Variants in FAM161A observed in about 807,000 individuals in gnomAD.
The protein encoded by FAM161A is FAM161 centrosomal protein A.
In FAM161A, 57 loss-of-function variants were observed where a neutral mutation model predicts 70.9. That is an observed-to-expected ratio of 0.80 (90% confidence interval 0.65 to 1.00). The LOEUF is 1.00. FAM161A is among the 50% of genes least tolerant of loss of function. The pLI is 0.00. For synonymous variants in FAM161A, 299 were observed against 295.7 expected (o/e 1.01, Z -0.12); for missense variants, 880 against 836.0 (o/e 1.05, Z -0.65).
the FAM161A span, chr2:61,803,440 G>T: frequency 1.5e-6 from 1 of 659,808 alleles, no homozygotes; most frequent in South Asian, 1.6e-5. Context: ...TACTGCAAAG[G>T]CCAGTGTTGG....
At chr2:61,853,014 C>T (rs559416646) in intron 1 of FAM161A, among the ~76,000 whole-genome samples, 1 of 145,302 alleles carries the variant, frequency 6.9e-6, no homozygotes, top group East Asian at 2.0e-4. Context: ...CAAGTTCAAG[C>T]GATTCTCCTG....
intron 1 of FAM161A, chr2:61,846,753 A>G: frequency 3.0e-6 from 1 of 334,478 alleles, no homozygotes; most frequent in Non-Finnish European, 5.9e-6. Flanking sequence ...GAAAGATGGG[A>G]CTTACTCCTT....
At chr2:61,842,643 T>C (rs1301495705) in intron 1 of FAM161A, among the ~76,000 whole-genome samples, 1 of 152,054 alleles carries the variant, frequency 6.6e-6, no homozygotes, top group Non-Finnish European at 1.5e-5. Flanking sequence ...CAACAAAAGG[T>C]ATAATAGGAT....
the FAM161A span, among the ~76,000 whole-genome samples, chr2:61,805,455 G>A: frequency 6.6e-6 from 1 of 152,180 alleles, no homozygotes. Flanking sequence ...GACGGAGATT[G>A]CAGTGAGCCA....
At chr2:61,839,300 T>C (rs1423252940) in intron 3 of FAM161A, 121 bp downstream of exon 3, 4 of 838,074 alleles carry the variant, frequency 4.8e-6, no homozygotes, top group Non-Finnish European at 7.8e-6. Context: ...TATAGTAAAA[T>C]ATCTTATAGA....
chr2:61,800,831 T>C, the FAM161A span, among the ~76,000 whole-genome samples: 1 of 152,274 alleles, frequency 6.6e-6, no homozygotes, highest in East Asian at 1.9e-4. Context: ...TGAAATGAAG[T>C]CTCACTCTGT....
In FAM161A at chr2:61,839,621, T is replaced by C. The variant is rs1558483246; in HGVS notation, c.1383A>G (p.Ala461=). The C allele has an allele frequency of 4.3e-6, 7 of 1,614,242 alleles. No individual in the cohort carries two copies. The highest frequency in any genetic ancestry group is 5.1e-6 in the Non-Finnish European group (6 of 1,180,044). Reference sequence around the variant, plus strand: ...CTCTTTTAATAGATGCATGTGGAGATGCATGAAGATCAAATGGTTTACACA... The same window carrying C: ...CTCTTTTAATAGATGCATGTGGAGACGCATGAAGATCAAATGGTTTACACA... ...LTVCKPFDLH[A]SPHASIKREK... is the part of the protein sequence containing the mutation. Residue 461 remains alanine, a synonymous_variant, in exon 3 of 7, where the codon GCA becomes GCG. Transcript: ENST00000404929.
chr2:61,805,763 C>G, the FAM161A span, among the ~76,000 whole-genome samples: 2 of 151,908 alleles, frequency 1.3e-5, no homozygotes, highest in Non-Finnish European at 2.9e-5. Context: ...TTGCAGTGCC[C>G]AAAACAGACT....
chr2:61,842,982 G>A (rs1438422436), intron 1 of FAM161A, among the ~76,000 whole-genome samples: 1 of 152,202 alleles, frequency 6.6e-6, no homozygotes, highest in Non-Finnish European at 1.5e-5. Flanking sequence ...AGCTGCTTCT[G>A]TGGGCACAAA....
the FAM161A span, among the ~76,000 whole-genome samples, chr2:61,804,983 C>G: frequency 1.3e-5 from 2 of 152,028 alleles, no homozygotes; most frequent in African/African-American, 4.8e-5. Context: ...GAACTGAGGA[C>G]TCAACTCTGA....
chr2:61,849,747 T>C (rs932741229), intron 1 of FAM161A, among the ~76,000 whole-genome samples: 2 of 147,486 alleles, frequency 1.4e-5, no homozygotes, highest in African/African-American at 5.1e-5. Context: ...ATTGTGCCAC[T>C]GTACTCTAGC....
chr2:61,815,532 T>A, the FAM161A span, among the ~76,000 whole-genome samples: 1 of 134,656 alleles, frequency 7.4e-6, no homozygotes, highest in African/African-American at 2.8e-5. Context: ...CTGAAAGATG[T>A]GTCTTTTTTT....
chr2:61,813,057 C>T, the FAM161A span, among the ~76,000 whole-genome samples: 5 of 151,464 alleles, frequency 3.3e-5, no homozygotes, highest in Admixed American at 1.3e-4. Context: ...AGCAAGACTC[C>T]GTCTCAAAAG....
intron 5 of FAM161A, 26 bp downstream of exon 5, chr2:61,835,984 A>G (rs757731363): frequency 7.0e-7 from 1 of 1,434,622 alleles, no homozygotes; most frequent in Non-Finnish European, 9.7e-7. Flanking sequence ...AACTGACGAT[A>G]GCTCTTAAAT....
At chr2:61,832,109 G>C (rs555230436) in intron 5 of FAM161A, among the ~76,000 whole-genome samples, 1 of 151,908 alleles carries the variant, frequency 6.6e-6, no homozygotes, top group African/African-American at 2.4e-5. Context: ...GCCTGGCATG[G>C]TAGCTTGTGC....
chr2:61,815,861 T>C, the FAM161A span, among the ~76,000 whole-genome samples: 1 of 152,070 alleles, frequency 6.6e-6, no homozygotes, highest in South Asian at 2.1e-4. Context: ...TCTCTCCCTA[T>C]GTTTTGTCCC....
At chr2:61,803,894 C>T in the FAM161A span, among the ~76,000 whole-genome samples, 2 of 152,088 alleles carry the variant, frequency 1.3e-5, no homozygotes, top group Non-Finnish European at 2.9e-5. Context: ...AAGGGGTTCC[C>T]ATCCAGACCC....
chr2:61,826,116 C>T lies in FAM161A; in HGVS notation c.*339G>A. 2.1e-6 allele frequency: 1 copy of T among 480,986 alleles called. No individual in the cohort carries two copies. Among genetic ancestry groups the T allele is most frequent in the Non-Finnish European group, 4.1e-6 (1 of 245,408 alleles). 29.8% of individuals were successfully genotyped at this position (480,986 alleles called of 1,614,324 possible). ...AAAGACCAATACTTCTCTCTCCTTT[C>T]AATACTAAGCCATTTTTTCCAGTAA... is the stretch of plus-strand genomic sequence containing the variant. On this transcript the variant is annotated 3_prime_UTR_variant, in exon 7 of 7. Transcript: ENST00000404929.
At chr2:61,823,680 T>C (rs1672260059), downstream of FAM161A, among the ~76,000 whole-genome samples, 2 of 152,062 alleles carry the variant, frequency 1.3e-5, no homozygotes, top group Non-Finnish European at 2.9e-5. Context: ...ATCATATTTA[T>C]AGATACATAT....
Sources: allele counts gnomAD v4.1 joint callset (sites outside exome capture counted in the v4.1 genomes callset), GRCh38; gene constraint gnomAD v4.1.1; transcripts MANE v1.5; gene names NCBI Gene and HGNC (gene_info 2026-07-23, HGNC 2026-07-21).